DHX16: variants seen among roughly 807,000 people sequenced by gnomAD.
The protein encoded by DHX16 is pre-mRNA-splicing factor ATP-dependent RNA helicase DHX16.
A neutral mutation model predicts 131.2 loss-of-function variants in DHX16; 81 were observed. That is an observed-to-expected ratio of 0.62 (90% CI 0.52 to 0.74). The LOEUF (loss-of-function observed/expected upper bound fraction) is 0.74. Among genes scored for constraint, DHX16 ranks in the 30% least tolerant of loss-of-function variants. DHX16 has a pLI of 0.00. For synonymous variants in DHX16, 440 were observed against 520.2 expected (o/e 0.85, Z 2.10); for missense variants, 980 against 1,363.1 (o/e 0.72, Z 4.43).
Position 30,660,197 on chromosome 6 carries a change from GTC to G in DHX16, c.1588_1589del (p.Asp530HisfsTer15). ...CATCCTTGATCAATCCAAAGAGAAT[GTC>G]TGTGTGTAGGGTCCTTTCGTGTGCC... ...DEAHERTLHT[D>X]ILFGLIKDVA... On this transcript the variant is annotated frameshift_variant, in exon 10 of 20. Transcript: ENST00000376442. LOFTEE classifies it high-confidence loss of function. The G allele has an allele frequency of 6.4e-7, 1 of 1,562,642 alleles. No individual in the cohort carries two copies. The highest frequency in any genetic ancestry group is 8.7e-7 in the Non-Finnish European group (1 of 1,153,238).
At position 30,656,458 on chromosome 6, in the gene DHX16, G is replaced by A; in HGVS notation, c.2363C>T (p.Thr788Ile). Reference protein sequence around the residue: ...FDFLDPPPYETLLLALEQLYA... With the variant: ...FDFLDPPPYEILLLALEQLYA... ...CAGCTGCTCCAAAGCCAGCAGCAGT[G>A]TCTCATATGGTGGAGGGTCCAGGAA... is the stretch of plus-strand genomic sequence containing the variant. The change falls in exon 15 of 20, where the codon ACA becomes ATA. Residue 788 changes from threonine (T) to isoleucine (I), a missense_variant. This residue lies in a region of DHX16 where 309 missense variants were observed against 537.1 expected (regional missense o/e 0.58). Transcript: ENST00000376442. The surrounding 1 kb of genome is among the most constrained non-coding windows in gnomAD (Gnocchi z 5.1). 6.2e-7 allele frequency: 1 copy of A among 1,614,176 alleles called. No homozygotes were observed. Among genetic ancestry groups the A allele is most frequent in the Non-Finnish European group, 8.5e-7 (1 of 1,180,028 alleles).
intron 19 of DHX16, 27 bp downstream of exon 19, chr6:30,654,679 T>G: frequency 6.3e-7 from 1 of 1,595,488 alleles, no homozygotes; most frequent in Non-Finnish European, 8.5e-7. Context: ...AGTCTCCACC[T>G]GCGTGGGCAC....
In DHX16 at chr6:30,656,268, AAGG is replaced by A. The variant is rs749056614; in HGVS notation, c.2431-6_2431-4del. ...AGCTCTGCCATCTTTCGACCAGACT[AAGG>A]AGAAGAGAGAGAGAGTTGAGCCCAG... On this transcript the variant is annotated splice_polypyrimidine_tract_variant and splice_region_variant and intron_variant, in intron 15 of 19. Transcript: ENST00000376442. The surrounding 1 kb of genome is among the most constrained non-coding windows in gnomAD (Gnocchi z 5.1). 1.9e-6 allele frequency: 3 copies of A among 1,613,854 alleles called. No individual in the cohort carries two copies. Among genetic ancestry groups the A allele is most frequent in the East Asian group, 2.2e-5 (1 of 44,870 alleles).
chr6:30,655,477 G>C lies in DHX16; in HGVS notation c.2619C>G (p.Leu873=), dbSNP rs1158862628. 1 of 1,613,476 alleles carries C rather than the reference G, an allele frequency of 6.2e-7. No homozygotes were observed. The highest frequency in any genetic ancestry group is 1.7e-5 in the Admixed American group (1 of 60,028). ...GCAGAACCAGGTGGTCACCGCCAGGGAGAAAGAAGTTGACACGGGCATTGT... is the reference window on the plus strand; with the variant it reads ...GCAGAACCAGGTGGTCACCGCCAGGCAGAAAGAAGTTGACACGGGCATTGT... ...HADNARVNFF[L]PGGDHLVLLN... The change falls in exon 17 of 20, where the codon CTC becomes CTG. Residue 873 remains leucine (L), a synonymous_variant. Transcript: ENST00000376442.
At chr6:30,654,907 A>G in intron 18 of DHX16, 28 bp from the exon 19 acceptor site, 1 of 1,597,768 alleles carries the variant, frequency 6.3e-7, no homozygotes, top group Non-Finnish European at 8.5e-7. Flanking sequence ...AAGAAAATCA[A>G]TGGAAAAGGC....
rs1450188498 is a variant in DHX16 at position 30,656,116 on chromosome 6, AAGAC to A, written c.2498+78_2498+81del. The stretch of plus-strand genomic sequence containing the variant: ...TAAGGGATAGTATGATGAACAGAAA[AAGAC>A]AGACAAAGGGGACCCTGGAGACAGA... On this transcript the variant is annotated intron_variant, in intron 16 of 19. Coordinates refer to ENST00000376442, the MANE Select transcript of DHX16 (RefSeq NM_003587.5). The surrounding 1 kb of genome is among the most constrained non-coding windows in gnomAD (Gnocchi z 5.1). The A allele has an allele frequency of 2.1e-5, 29 of 1,356,188 alleles. No homozygotes were observed. The highest frequency in any genetic ancestry group is 2.7e-5 in the Non-Finnish European group (26 of 956,302). The allele number at this position is 1,356,188 out of a possible 1,614,324, so 84.0% of individuals were successfully genotyped here. A position where few individuals can be genotyped will look rare whatever the true frequency, so the allele number is the denominator to read the frequency against.
intron 4 of DHX16, among the ~76,000 whole-genome samples, chr6:30,667,637 A>G (rs180846310): frequency 1.3e-5 from 2 of 152,200 alleles, no homozygotes; most frequent in East Asian, 3.9e-4. Context: ...TAACATGTTC[A>G]GGAAAGGATT....
At chr6:30,668,815 A>C (rs1769267972) in intron 4 of DHX16, among the ~76,000 whole-genome samples, 1 of 152,178 alleles carries the variant, frequency 6.6e-6, no homozygotes, top group African/African-American at 2.4e-5. Flanking sequence ...TTAGAACTCC[A>C]AAAGTTGGCC....
rs370923785 is a variant in DHX16, at chr6:30,656,314, C to T, written c.2431-49G>A. On this transcript the variant is annotated intron_variant, in intron 15 of 19. Coordinates refer to ENST00000376442, the MANE Select transcript of DHX16 (RefSeq NM_003587.5). The surrounding 1 kb of genome is among the most constrained non-coding windows in gnomAD (Gnocchi z 5.1). ...GAGCCCAGTCCTCCCTCAGGTTTCC[C>T]GCTACTACTACAGGGGTCCCTGGAG... 170 of 1,611,974 alleles carry T rather than the reference C, an allele frequency of 1.1e-4. No homozygotes were observed. Among genetic ancestry groups the T allele is most frequent in the Non-Finnish European group, 1.4e-4 (162 of 1,178,450 alleles).
At position 30,665,502 on chromosome 6, in the gene DHX16, T is replaced by C; in HGVS notation, c.898A>G (p.Met300Val). Residue 300 changes from methionine (M) to valine (V), a missense_variant, in exon 5 of 20, where the codon ATG becomes GTG. Transcript: ENST00000376442. The surrounding 1 kb of genome is among the most constrained non-coding windows in gnomAD (Gnocchi z 4.8). ...EKLEATNRYH[M>V]PKETRGQPAR... ...ACCTGTCCTCGGGTTTCCTTGGGCA[T>C]GTGGTAGCGATTGGTGGCCTCCAGC... is the stretch of plus-strand genomic sequence containing the variant. The C allele has an allele frequency of 1.2e-6, 2 of 1,612,992 alleles. No homozygotes were observed. The highest frequency in any genetic ancestry group is 8.5e-7 in the Non-Finnish European group (1 of 1,179,990).
chr6:30,659,803 A>C lies in DHX16; in HGVS notation c.1787T>G (p.Val596Gly), dbSNP rs545668810. 5.0e-6 allele frequency: 8 copies of C among 1,614,232 alleles called. No individual in the cohort carries two copies. The highest frequency in any genetic ancestry group is 5.9e-6 in the Non-Finnish European group (7 of 1,180,048). ...CACATGGATCTGCAACACAGATACT[A>C]CACAAGCTTCCAAGTAGTCAGCCTC... is the stretch of plus-strand genomic sequence containing the variant. ...APEADYLEAC[V>G]VSVLQIHVTQ... Residue 596 changes from valine to glycine, a missense_variant, in exon 11 of 20, where the codon GTA (valine) becomes GGA (glycine). Physicochemically the swap from Val to Gly is moderately radical, Grantham distance 109. This residue lies in a region of DHX16 where 309 missense variants were observed against 537.1 expected (regional missense o/e 0.58). Transcript: ENST00000376442.
At position 30,665,400 on chromosome 6, in the gene DHX16, C is replaced by T. The variant is rs1461847036; in HGVS notation, c.921+79G>A. ...GCAAGGCAAGAAAGGGGATGACCCA[C>T]GTGTTGCCCAATCCCCTGAAGCCTT... On this transcript the variant is annotated intron_variant, in intron 5 of 19. Transcript: ENST00000376442. The surrounding 1 kb of genome is among the most constrained non-coding windows in gnomAD (Gnocchi z 4.8). The T allele has an allele frequency of 3.8e-6, 6 of 1,582,164 alleles. No individual in the cohort carries two copies. The highest frequency in any genetic ancestry group is 3.4e-5 in the Admixed American group (2 of 57,998).
Position 30,672,849 on chromosome 6 carries a change from C to T in DHX16, c.-8G>A, listed in dbSNP as rs558076828. 6.2e-7 allele frequency: 1 copy of T among 1,612,180 alleles called. No homozygotes were observed. Among genetic ancestry groups the T allele is most frequent in the Admixed American group, 1.7e-5 (1 of 59,962 alleles). On this transcript the variant is annotated 5_prime_UTR_variant, in exon 1 of 20. Transcript: ENST00000376442. Reference sequence around the variant, plus strand: ...ACCCGCCGGCGTCGCCATGGCGACTCACGCTCCCTGCTCCCGGCCCTGAAG... The same window carrying T: ...ACCCGCCGGCGTCGCCATGGCGACTTACGCTCCCTGCTCCCGGCCCTGAAG...
rs1028986243 is a variant in DHX16 at position 30,670,130 on chromosome 6, A to T, written c.666+280T>A. ...TAGGACTCAGGAATAGGGAAAGCTC[A>T]CAATTTCATTCACTAATAGAGTATA... On this transcript the variant is annotated intron_variant, in intron 4 of 19. Transcript: ENST00000376442. The surrounding 1 kb of genome is among the most constrained non-coding windows in gnomAD (Gnocchi z 4.4). Among the ~76,000 whole-genome samples the T allele has an allele frequency of 2.0e-5, 3 of 152,174 alleles. No homozygotes were observed. The highest frequency in any genetic ancestry group is 7.2e-5 in the African/African-American group (3 of 41,432).
Position 30,672,656 on chromosome 6 carries a change from G to C in DHX16, c.186C>G (p.Phe62Leu), listed in dbSNP as rs748507849. Residue 62 changes from phenylalanine to leucine, a missense_variant, in exon 1 of 20, where the codon TTC becomes TTG. Physicochemically the swap from Phe to Leu is conservative, Grantham distance 22 (BLOSUM62 0). This residue lies in a region of DHX16 where 457 missense variants were observed against 554.8 expected (regional missense o/e 0.82). Transcript: ENST00000376442. ...ACACCTTGTTCCAGAGTCTCAGGGC[G>C]AAGTCCCGGGCCGGCCCACTGAGAT... ...TLDLSGPARD[F>L]ALRLWNKVPR... is the part of the protein sequence containing the mutation. The C allele has an allele frequency of 8.1e-6, 13 of 1,612,482 alleles. No homozygotes were observed. The Admixed American group carries it at 2.2e-4, about 27-fold the overall frequency.
intron 4 of DHX16, among the ~76,000 whole-genome samples, chr6:30,667,500 T>C (rs748920379): frequency 1.6e-4 from 24 of 149,794 alleles, no homozygotes; most frequent in Non-Finnish European, 2.7e-4. Flanking sequence ...GAGAATGGCA[T>C]GAACCCGGAA....
At chr6:30,654,166 A>G (rs1173976089) in intron 19 of DHX16, among the ~76,000 whole-genome samples, 1 of 152,118 alleles carries the variant, frequency 6.6e-6, no homozygotes, top group African/African-American at 2.4e-5. Context: ...GAGACCAGAG[A>G]CTGCTTTGTT....
Position 30,664,797 on chromosome 6 carries a change from G to A in DHX16, c.1317+4C>T, listed in dbSNP as rs911796198. ...TGGCAAGCTGAAGGGTGAGATGACT[G>A]TACCTCCTCAAAGAGATACTGCGGG... On this transcript the variant is annotated splice_donor_region_variant and intron_variant, in intron 7 of 19. Transcript: ENST00000376442. 6.2e-7 allele frequency: 1 copy of A among 1,609,464 alleles called. No homozygotes were observed. Among genetic ancestry groups the A allele is most frequent in the Non-Finnish European group, 8.5e-7 (1 of 1,177,056 alleles).
intron 7 of DHX16, among the ~76,000 whole-genome samples, chr6:30,663,408 G>A (rs1186874186): frequency 6.6e-6 from 1 of 152,022 alleles, no homozygotes; most frequent in Non-Finnish European, 1.5e-5. Context: ...GGGCAACATA[G>A]TGTGACAAAA....
Sources: gnomAD v4.1 joint callset for allele counts (sites outside exome capture counted in the v4.1 genomes callset) on GRCh38, gnomAD v4.1.1 for gene constraint, gnomAD v4.1.1 regional missense constraint, Gnocchi (gnomAD v3.1) non-coding constraint, MANE v1.5 for transcripts, NCBI Gene and HGNC (gene_info 2026-07-23, HGNC 2026-07-21) for gene names.